SORD: variants seen among roughly 807,000 people sequenced by gnomAD.
The protein encoded by SORD is sorbitol dehydrogenase.
Under a neutral mutation model 35.6 loss-of-function variants are expected in SORD, and 18 were observed. The ratio of observed to expected loss-of-function variants is 0.51; its 90% CI spans 0.35 to 0.75. The LOEUF is 0.75. SORD is among the 30% of genes least tolerant of loss of function. The pLI, the probability that SORD is intolerant of heterozygous loss-of-function variation, is 0.01. For synonymous variants in SORD, 106 were observed against 152.9 expected (o/e 0.69, Z 2.26); for missense variants, 250 against 390.2 (o/e 0.64, Z 3.03).
rs1480506636 is a variant in SORD at position 45,069,028 on chromosome 15, G to A, written c.762G>A (p.Glu254=). Residue 254 remains glutamate, a synonymous_variant, in exon 7 of 9, where the codon GAG becomes GAA. Transcript: ENST00000267814. ...TCACCATCGAGTGCACGGGGGCAGA[G>A]GCCTCCATCCAGGCGGGCATCTACG... ...PEVTIECTGA[E]ASIQAGIYAT... The A allele has an allele frequency of 3.7e-6, 6 of 1,611,280 alleles. No homozygotes were observed. The African/African-American group carries it at 8.0e-5, about 22-fold the overall frequency.
At position 45,023,249 on chromosome 15, in the gene SORD, C is replaced by T; in HGVS notation, c.-35C>T. 1 of 1,519,698 alleles carries T rather than the reference C, an allele frequency of 6.6e-7. No individual in the cohort carries two copies. Among genetic ancestry groups the T allele is most frequent in the Non-Finnish European group, 8.8e-7 (1 of 1,133,252 alleles). 94.1% of individuals were successfully genotyped at this position (1,519,698 alleles called of 1,614,324 possible). ...CACCAGAGCGACCAAACGTCCCGCG[C>T]CTTCCAGGCCGCACTCCAGAGCCAA... On this transcript the variant is annotated 5_prime_UTR_variant, in exon 1 of 9. Coordinates refer to ENST00000267814, the MANE Select transcript of SORD (RefSeq NM_003104.6).
rs58239165 is a variant in SORD, at chr15:45,068,152, G to A, written c.545-29G>A. Reference sequence around the variant, plus strand: ...GGAGAGCAGATGTTTAATATTTCACGAACATATTCCATCTTCTGCTTTGTT... The same window carrying A: ...GGAGAGCAGATGTTTAATATTTCACAAACATATTCCATCTTCTGCTTTGTT... On this transcript the variant is annotated intron_variant, in intron 5 of 8. Coordinates refer to ENST00000267814, the MANE Select transcript of SORD (RefSeq NM_003104.6). 2.1e-5 allele frequency: 33 copies of A among 1,590,082 alleles called. 1 individual carries two copies. Among genetic ancestry groups the A allele is most frequent in the Middle Eastern group, 3.3e-4 (2 of 6,018 alleles).
At chr15:45,050,114 G>A (rs1294884087) in intron 3 of SORD, among the ~76,000 whole-genome samples, 4 of 152,044 alleles carry the variant, frequency 2.6e-5, no homozygotes, top group Admixed American at 2.0e-4. Flanking sequence ...ACGGAGTCTC[G>A]CACTCTCGCC....
At chr15:45,071,001 G>T (rs1349944575) in intron 7 of SORD, among the ~76,000 whole-genome samples, 2 of 152,196 alleles carry the variant, frequency 1.3e-5, no homozygotes, top group Non-Finnish European at 2.9e-5. Flanking sequence ...AATGCTATAG[G>T]CCACCCCGCC....
chr15:45,034,621 G>A (rs1215622322), intron 1 of SORD, among the ~76,000 whole-genome samples: 1 of 152,262 alleles, frequency 6.6e-6, no homozygotes, highest in East Asian at 1.9e-4. Flanking sequence ...TGGGCTGGTA[G>A]GGCAGCGGGA....
rs758801159 is a variant in SORD, at chr15:45,040,391, A to G, written c.67-17A>G. 3.5e-6 allele frequency: 5 copies of G among 1,446,034 alleles called. No individual in the cohort carries two copies. Among genetic ancestry groups the G allele is most frequent in the South Asian group, 2.4e-5 (2 of 84,942 alleles). 89.6% of individuals were successfully genotyped at this position (1,446,034 alleles called of 1,614,324 possible). A position where few individuals can be genotyped will look rare whatever the true frequency, so the allele number is the denominator to read the frequency against. ...CTTATGCATGCTAAATGATTTTTTCAATTTTGTTTCTTTTAGGAGAACTAT... is the reference window on the plus strand; with the variant it reads ...CTTATGCATGCTAAATGATTTTTTCGATTTTGTTTCTTTTAGGAGAACTAT... On this transcript the variant is annotated splice_polypyrimidine_tract_variant and intron_variant, in intron 1 of 8. Transcript: ENST00000267814.
intron 1 of SORD, 107 bp downstream of exon 1, chr15:45,023,456 T>C (rs1236515934): frequency 9.9e-7 from 1 of 1,012,146 alleles, no homozygotes; most frequent in African/African-American, 1.7e-5. Flanking sequence ...GCCCCGCACC[T>C]TAAGCGCCCT....
chr15:45,050,946 C>T (rs986833131), intron 3 of SORD, among the ~76,000 whole-genome samples: 1 of 152,186 alleles, frequency 6.6e-6, no homozygotes, highest in Non-Finnish European at 1.5e-5. Context: ...CAGTCCATTC[C>T]ATTAATACTT....
At chr15:45,034,881 AG>A (rs1892835958) in intron 1 of SORD, among the ~76,000 whole-genome samples, 1 of 152,200 alleles carries the variant, frequency 6.6e-6, no homozygotes, top group African/African-American at 2.4e-5. Context: ...CTTGCGGGCC[AG>A]CTGGAGTTCC....
At chr15:45,039,830 C>A (rs193263743) in intron 1 of SORD, among the ~76,000 whole-genome samples, 241 of 152,334 alleles carry the variant, frequency 1.6e-3, no homozygotes, top group African/African-American at 5.7e-3. Context: ...TGCATCCTTT[C>A]CCTGGAGGAG....
intron 3 of SORD, among the ~76,000 whole-genome samples, chr15:45,057,793 A>AAAAG (rs371812531): frequency 2.0e-5 from 3 of 152,186 alleles, no homozygotes; most frequent in African/African-American, 7.2e-5. Flanking sequence ...AAAAAAAACA[A>AAAAG]AAAGAAAGAA....
chr15:45,066,235 A>G (rs1337318937), intron 5 of SORD, among the ~76,000 whole-genome samples: 1 of 129,904 alleles, frequency 7.7e-6, no homozygotes, highest in East Asian at 2.4e-4. Context: ...ACAGAGCGAG[A>G]TTCTGTCTCA....
At chr15:45,036,206 G>C (rs550332838) in intron 1 of SORD, 2 of 394,602 alleles carry the variant, frequency 5.1e-6, no homozygotes, top group Non-Finnish European at 9.9e-6. Context: ...CACTCAATGC[G>C]AGGGTCCGCA....
chr15:45,069,570 CA>C (rs1402583739), intron 7 of SORD, among the ~76,000 whole-genome samples: 2 of 152,060 alleles, frequency 1.3e-5, no homozygotes, highest in Non-Finnish European at 2.9e-5. Context: ...CTGAGGTTCA[CA>C]CAAGATAACA....
chr15:45,054,706 A>G (rs1475320674), intron 3 of SORD, among the ~76,000 whole-genome samples: 2 of 152,236 alleles, frequency 1.3e-5, no homozygotes, highest in African/African-American at 2.4e-5. Context: ...TGTTTTAGAC[A>G]TGAAGTCCTT....
At chr15:45,040,277 TG>T in intron 1 of SORD, 130 bp from the exon 2 acceptor site, 1 of 651,552 alleles carries the variant, frequency 1.5e-6, no homozygotes, top group Non-Finnish European at 2.8e-6. Flanking sequence ...AGGAGCAGTG[TG>T]GTCTGAGCTT....
chr15:45,026,798 C>G (rs72722056), intron 1 of SORD, among the ~76,000 whole-genome samples: 25,860 of 140,388 alleles, frequency 0.18, no homozygotes, highest in African/African-American at 0.44. Flanking sequence ...ACCTTTCCCA[C>G]TGCTGCCATC....
chr15:45,045,891 C>T (rs1187568555), intron 3 of SORD, among the ~76,000 whole-genome samples: 1 of 152,086 alleles, frequency 6.6e-6, no homozygotes, highest in East Asian at 1.9e-4. Flanking sequence ...TTTCCAGCTA[C>T]TCAGGAGGCT....
intron 3 of SORD, among the ~76,000 whole-genome samples, chr15:45,057,957 A>G (rs1376908066): frequency 6.6e-6 from 1 of 152,194 alleles, no homozygotes; most frequent in African/African-American, 2.4e-5. Flanking sequence ...TTAGACTGAA[A>G]TCTTGAATTC....
Sources: gnomAD v4.1 joint callset for allele counts (sites outside exome capture counted in the v4.1 genomes callset) on GRCh38, gnomAD v4.1.1 for gene constraint, MANE v1.5 for transcripts, NCBI Gene and HGNC (gene_info 2026-07-23, HGNC 2026-07-21) for gene names.